YJU2B: variants seen among roughly 807,000 people sequenced by gnomAD.
The protein encoded by YJU2B is probable splicing factor YJU2B.
In YJU2B, 18 loss-of-function variants were observed where a neutral mutation model predicts 38.0. The observed-to-expected ratio is 0.47, with a 90% CI of 0.33 to 0.70. The LOEUF is 0.70. Ranked by LOEUF, YJU2B falls within the 30% of genes least tolerant of loss-of-function variation. The pLI, the probability that YJU2B is intolerant of heterozygous loss-of-function variation, is 0.02. For missense variants in YJU2B, 538 were observed against 556.3 expected, an observed-to-expected ratio of 0.97 and a Z score of 0.33; for synonymous variants, 246 against 225.4, an observed-to-expected ratio of 1.09 and a Z score of -0.82.
At position 13,759,292 on chromosome 19, in the gene YJU2B, G is replaced by A. The variant is rs756606851; in HGVS notation, c.573+20G>A. The A allele has an allele frequency of 1.1e-5, 18 of 1,584,736 alleles. No homozygotes were observed. In the South Asian group the frequency reaches 1.3e-4, roughly 11 times the overall value. On this transcript the variant is annotated intron_variant, in intron 8 of 9. Transcript: ENST00000221554. ...TTCCGGGTGAGGGGGGCTCCAGCCC[G>A]GGGTCAGAGAGGATGCATGGTGGAC...
chr19:13,750,866 A>G (rs1973434690), intron 1 of YJU2B, among the ~76,000 whole-genome samples: 1 of 150,294 alleles, frequency 6.7e-6, no homozygotes, highest in Non-Finnish European at 1.5e-5. Context: ...TCAAAAAAAA[A>G]AAAAAAAAAA....
chr19:13,732,605 T>A (rs1424217185), intron 2 of YJU2B: 1 of 136,606 alleles, frequency 7.3e-6, no homozygotes, highest in Non-Finnish European at 1.6e-5. Flanking sequence ...GTGCATACTT[T>A]CTTTCTTTTT....
At chr19:13,740,243 T>G (rs1973056832) in intron 2 of YJU2B, among the ~76,000 whole-genome samples, 1 of 152,162 alleles carries the variant, frequency 6.6e-6, no homozygotes, top group Non-Finnish European at 1.5e-5. Flanking sequence ...GACAGAATCT[T>G]GCTCTGTCAC....
At chr19:13,744,494 G>A (rs1395917319), upstream of YJU2B, among the ~76,000 whole-genome samples, 1 of 152,070 alleles carries the variant, frequency 6.6e-6, no homozygotes, top group Non-Finnish European at 1.5e-5. Context: ...CTTTTGTTTT[G>A]GATCATTATG....
intron 2 of YJU2B, among the ~76,000 whole-genome samples, chr19:13,740,544 TTTG>T (rs1219218317): frequency 6.6e-6 from 1 of 151,892 alleles, no homozygotes; most frequent in Non-Finnish European, 1.5e-5. Flanking sequence ...TGTTTGTTTG[TTTG>T]TTTTTTATGT....
chr19:13,754,476 C>A, intron 3 of YJU2B, 134 bp downstream of exon 3: 2 of 731,716 alleles, frequency 2.7e-6, no homozygotes, highest in South Asian at 3.0e-5. Flanking sequence ...ACCTGAGTCT[C>A]GAGGCTGTCT....
At chr19:13,732,999 G>A (rs1222221699) in intron 2 of YJU2B, among the ~76,000 whole-genome samples, 3 of 149,980 alleles carry the variant, frequency 2.0e-5, no homozygotes. Context: ...GCGCGATCTC[G>A]GCTCACTGCA....
chr19:13,738,191 G>A (rs909598962), intron 2 of YJU2B, among the ~76,000 whole-genome samples: 3 of 152,148 alleles, frequency 2.0e-5, no homozygotes, highest in Non-Finnish European at 2.9e-5. Flanking sequence ...TGTCTGTTCT[G>A]GGAAGTTTCC....
chr19:13,759,073 A>AGTCT (rs1568296220), intron 7 of YJU2B, 27 bp from the exon 8 acceptor site: 9 of 1,612,576 alleles, frequency 5.6e-6, no homozygotes, highest in Non-Finnish European at 7.6e-6. Context: ...GGGCCCCCAA[A>AGTCT]GCCCAGCCGA....
chr19:13,756,142 T>C, intron 3 of YJU2B, 55 bp from the exon 4 acceptor site: 9 of 1,438,362 alleles, frequency 6.3e-6, no homozygotes, highest in Non-Finnish European at 8.8e-6. Context: ...TGGCAGAAAA[T>C]TGTGAGCTCC....
In YJU2B at chr19:13,758,852, C is replaced by A; in HGVS notation, c.258-16C>A. On this transcript the variant is annotated splice_polypyrimidine_tract_variant and intron_variant, in intron 6 of 9. Transcript: ENST00000221554. ...CAGCCACAGCCTCCTGACTCCTGCC[C>A]ACCGCTCCCTCCCAGGTTCCGGATG... 6.2e-7 allele frequency: 1 copy of A among 1,613,630 alleles called. No homozygotes were observed. Among genetic ancestry groups the A allele is most frequent in the Non-Finnish European group, 8.5e-7 (1 of 1,179,908 alleles).
intron 2 of YJU2B, among the ~76,000 whole-genome samples, chr19:13,753,146 T>C (rs1973533158): frequency 6.6e-6 from 1 of 152,138 alleles, no homozygotes; most frequent in African/African-American, 2.4e-5. Context: ...CCTTCCCCAA[T>C]CAGACACTGA....
At chr19:13,749,798 A>G (rs866937395) in intron 1 of YJU2B, among the ~76,000 whole-genome samples, 2 of 151,802 alleles carry the variant, frequency 1.3e-5, no homozygotes, top group East Asian at 1.9e-4. Flanking sequence ...ACGCCCAGCT[A>G]ATTTTTTGTA....
chr19:13,734,705 C>T (rs1972901401), intron 2 of YJU2B, among the ~76,000 whole-genome samples: 1 of 152,216 alleles, frequency 6.6e-6, no homozygotes, highest in Non-Finnish European at 1.5e-5. Context: ...CCTCTCACCT[C>T]AGCCTCCCAG....
At chr19:13,733,283 C>T (rs1034223047) in intron 2 of YJU2B, among the ~76,000 whole-genome samples, 5 of 152,122 alleles carry the variant, frequency 3.3e-5, no homozygotes, top group Non-Finnish European at 4.4e-5. Context: ...AAACGGCCCA[C>T]CAACTTCCTG....
Position 13,762,656 on chromosome 19 carries a change from C to A in YJU2B, c.779C>A (p.Pro260His). Residue 260 changes from proline to histidine, a missense_variant, in exon 10 of 10, where the codon CCC becomes CAC. Coordinates refer to ENST00000221554, the MANE Select transcript of YJU2B (RefSeq NM_030818.4). ...AGCCGCTCCTGGTTCCCCTCTGCCC[C>A]CGGATCCGCCTCCAGCAGCAAGGTC... ...IISRSWFPSA[P>H]GSASSSKVSG... 1 of 1,566,244 alleles carries A rather than the reference C, an allele frequency of 6.4e-7. No homozygotes were observed. Among genetic ancestry groups the A allele is most frequent in the Non-Finnish European group, 8.6e-7 (1 of 1,162,594 alleles).
At chr19:13,751,909 T>C in intron 2 of YJU2B, 98 bp downstream of exon 2, 7 of 1,154,802 alleles carry the variant, frequency 6.1e-6, no homozygotes, top group Non-Finnish European at 9.1e-6. Context: ...AAGATGATGA[T>C]TTCAATCTCC....
chr19:13,758,205 T>C (rs1337651685), intron 6 of YJU2B, among the ~76,000 whole-genome samples: 1 of 152,080 alleles, frequency 6.6e-6, no homozygotes, highest in Admixed American at 6.6e-5. Flanking sequence ...GCTCCAAGGC[T>C]CCTCCCTCAC....
upstream of YJU2B, among the ~76,000 whole-genome samples, chr19:13,747,409 G>A (rs897614448): frequency 6.6e-6 from 1 of 152,270 alleles, no homozygotes; most frequent in Non-Finnish European, 1.5e-5. Flanking sequence ...TTGGGAGGCA[G>A]GAGGATTGCT....
Sources: gnomAD v4.1 joint callset for allele counts (sites outside exome capture counted in the v4.1 genomes callset) on GRCh38, gnomAD v4.1.1 for gene constraint, MANE v1.5 for transcripts, NCBI Gene and HGNC (gene_info 2026-07-23, HGNC 2026-07-21) for gene names.